DOK6: variants seen among roughly 807,000 people sequenced by gnomAD.
The protein encoded by DOK6 is downstream of tyrosine kinase 6.
DOK6 carries 22 observed loss-of-function variants against 44.0 expected under a neutral mutation model. That is an observed-to-expected ratio of 0.50 (90% CI 0.36 to 0.71). The LOEUF is 0.71. Among genes scored for constraint, DOK6 ranks in the 30% least tolerant of loss-of-function variants. The pLI, the probability that DOK6 is intolerant of heterozygous loss-of-function variation, is 0.00. For synonymous variants in DOK6, 166 were observed against 145.5 expected (o/e 1.14, Z -1.01); for missense variants, 340 against 416.4 (o/e 0.82, Z 1.60).
In DOK6 at chr18:69,842,032, A is replaced by G. The variant is rs1389676585; in HGVS notation, c.*649A>G. 1 of 151,858 alleles carries G rather than the reference A, an allele frequency of 6.6e-6. No individual in the cohort carries two copies. Among genetic ancestry groups the G allele is most frequent in the African/African-American group, 2.4e-5 (1 of 41,334 alleles). 9.4% of individuals were successfully genotyped at this position (151,858 alleles called of 1,614,324 possible). On this transcript the variant is annotated 3_prime_UTR_variant, in exon 8 of 8. Coordinates refer to ENST00000382713, the MANE Select transcript of DOK6 (RefSeq NM_152721.6). ...TCTATATATAACAAGTATATATCAA[A>G]CATGTGCTGAGGGTGACAGGATATG...
At position 69,696,984 on chromosome 18, in the gene DOK6, C is replaced by T. The variant is rs182629181; in HGVS notation, c.410-1420C>T. The stretch of plus-strand genomic sequence containing the variant: ...TTAGGAAATGAATGTGAAATCCATA[C>T]ACATATTAGTTTCATGGGTCAATAA... On this transcript the variant is annotated intron_variant, in intron 4 of 7. Transcript: ENST00000382713. 2.3e-3 allele frequency among the ~76,000 whole-genome samples: 347 copies of T among 152,290 alleles called. 2 individuals carry two copies. Among genetic ancestry groups the T allele is most frequent in the Middle Eastern group, 0.01 (3 of 294 alleles).
In DOK6 at chr18:69,545,202, C is replaced by T. The variant is rs184690795; in HGVS notation, c.67-19285C>T. ...AGCAAAAACAAAGGACTATTTATTCCGCATCATTTCAGTTTTGAGCTCTCT... is the reference window on the plus strand; with the variant it reads ...AGCAAAAACAAAGGACTATTTATTCTGCATCATTTCAGTTTTGAGCTCTCT... On this transcript the variant is annotated intron_variant, in intron 1 of 7. Coordinates refer to ENST00000382713, the MANE Select transcript of DOK6 (RefSeq NM_152721.6). Among the ~76,000 whole-genome samples the T allele has an allele frequency of 1.3e-4, 20 of 150,896 alleles. 1 individual carries two copies. Among genetic ancestry groups the T allele is most frequent in the South Asian group, 4.2e-4 (2 of 4,724 alleles).
At chr18:69,533,915 A>T (rs1982050906) in intron 1 of DOK6, among the ~76,000 whole-genome samples, 1 of 152,162 alleles carries the variant, frequency 6.6e-6, no homozygotes, top group Non-Finnish European at 1.5e-5. Context: ...CTCTTTAGAT[A>T]GAGATAGATA....
intron 4 of DOK6, among the ~76,000 whole-genome samples, chr18:69,683,408 T>C (rs1986085019): frequency 6.6e-6 from 1 of 152,248 alleles, no homozygotes; most frequent in Admixed American, 6.5e-5. Context: ...GGAAATAGTT[T>C]CTTTGTAAAG....
chr18:69,643,605 T>C (rs75363093), intron 3 of DOK6: 3 of 152,172 alleles, frequency 2.0e-5, no homozygotes, highest in Admixed American at 6.6e-5. Context: ...TCCATTTTAT[T>C]GCTAAACATT....
intron 1 of DOK6, among the ~76,000 whole-genome samples, chr18:69,507,109 ACT>A (rs1470686915): frequency 6.6e-6 from 1 of 151,540 alleles, no homozygotes; most frequent in Non-Finnish European, 1.5e-5. Flanking sequence ...CTCACTGCAA[ACT>A]CCACCTCCCG....
At chr18:69,408,276 G>A (rs1269162824) in intron 1 of DOK6, among the ~76,000 whole-genome samples, 1 of 152,084 alleles carries the variant, frequency 6.6e-6, no homozygotes, top group African/African-American at 2.4e-5. Context: ...ATCATTCACT[G>A]TACTCAATGC....
intron 3 of DOK6, among the ~76,000 whole-genome samples, chr18:69,654,028 T>A (rs1327616724): frequency 6.6e-6 from 1 of 152,084 alleles, no homozygotes; most frequent in Non-Finnish European, 1.5e-5. Context: ...TTGAGACGTC[T>A]AAAAAATGAA....
chr18:69,811,524 T>TTTTATATA (rs1981225622), intron 7 of DOK6, among the ~76,000 whole-genome samples: 1 of 93,764 alleles, frequency 1.1e-5, no homozygotes, highest in South Asian at 3.8e-4. Context: ...AACCATTCCA[T>TTTTATATA]TATATATATA....
chr18:69,765,914 T>C (rs1979698792), intron 7 of DOK6, among the ~76,000 whole-genome samples: 1 of 152,194 alleles, frequency 6.6e-6, no homozygotes, highest in Non-Finnish European at 1.5e-5. Flanking sequence ...TATTAATATA[T>C]TAAAGTACAG....
chr18:69,459,185 TTTTGTGTG>T (rs1429304747), intron 1 of DOK6, among the ~76,000 whole-genome samples: 4 of 43,524 alleles, frequency 9.2e-5, no homozygotes, highest in Non-Finnish European at 1.7e-4. Flanking sequence ...AAAAAAAATA[TTTTGTGTG>T]TGTGTGTGTG....
chr18:69,560,813 A>C (rs1182314100), intron 1 of DOK6, among the ~76,000 whole-genome samples: 1 of 152,196 alleles, frequency 6.6e-6, no homozygotes, highest in Non-Finnish European at 1.5e-5. Context: ...ACACAAGCTC[A>C]GAGAGATAAA....
At chr18:69,469,265 CT>C (rs1055018934) in intron 1 of DOK6, among the ~76,000 whole-genome samples, 1 of 151,986 alleles carries the variant, frequency 6.6e-6, no homozygotes, top group Non-Finnish European at 1.5e-5. Flanking sequence ...GAGATTTTAC[CT>C]TTTTTATTTA....
intron 3 of DOK6, among the ~76,000 whole-genome samples, chr18:69,611,157 A>G (rs1466988341): frequency 6.6e-6 from 1 of 152,248 alleles, no homozygotes; most frequent in Non-Finnish European, 1.5e-5. Flanking sequence ...TCGCATTCAC[A>G]TGAAATTTTG....
chr18:69,566,026 A>G lies in DOK6; in HGVS notation c.174+1432A>G, dbSNP rs140800150. ...AAAATTTTGATGGGCTGAGCATATTATATCTTATTTGGATGCCTGGTCAGA... is the reference window on the plus strand; with the variant it reads ...AAAATTTTGATGGGCTGAGCATATTGTATCTTATTTGGATGCCTGGTCAGA... On this transcript the variant is annotated intron_variant, in intron 2 of 7. Transcript: ENST00000382713. 9.2e-5 allele frequency among the ~76,000 whole-genome samples: 14 copies of G among 152,328 alleles called. No homozygotes were observed. The East Asian group carries it at 1.2e-3, about 13-fold the overall frequency.
chr18:69,424,461 C>T (rs1197927327), intron 1 of DOK6, among the ~76,000 whole-genome samples: 2 of 152,130 alleles, frequency 1.3e-5, no homozygotes, highest in Non-Finnish European at 2.9e-5. Context: ...GACATCTTTT[C>T]TTAATGGTGT....
At chr18:69,638,843 AG>A (rs1250091051) in intron 3 of DOK6, among the ~76,000 whole-genome samples, 3 of 152,374 alleles carry the variant, frequency 2.0e-5, no homozygotes, top group East Asian at 1.9e-4. Context: ...ATATACATAC[AG>A]TATAACCTCA....
At chr18:69,621,270 T>C (rs1300817622) in intron 3 of DOK6, among the ~76,000 whole-genome samples, 1 of 152,186 alleles carries the variant, frequency 6.6e-6, no homozygotes, top group Non-Finnish European at 1.5e-5. Context: ...CTTGATATTT[T>C]TTAAAGGGTA....
At position 69,501,536 on chromosome 18, in the gene DOK6, C is replaced by A. The variant is rs941372088; in HGVS notation, c.67-62951C>A. Among the ~76,000 whole-genome samples the A allele has an allele frequency of 2.0e-5, 3 of 152,144 alleles. No individual in the cohort carries two copies. In the South Asian group the frequency reaches 6.2e-4, roughly 31 times the overall value. On this transcript the variant is annotated intron_variant, in intron 1 of 7. Transcript: ENST00000382713. ...CACGTACTGAGAGTTTCTGCTCTTG[C>A]AATGTGATCTTAGGTTTCCACGTAC... is the stretch of plus-strand genomic sequence containing the variant.
Sources: gnomAD v4.1 joint callset for allele counts (sites outside exome capture counted in the v4.1 genomes callset) on GRCh38, gnomAD v4.1.1 for gene constraint, MANE v1.5 for transcripts, NCBI Gene and HGNC (gene_info 2026-07-23, HGNC 2026-07-21) for gene names.